WRN: variants seen among roughly 807,000 people sequenced by gnomAD.
WRN encodes the protein WRN RecQ like helicase, also known as bifunctional 3'-5' exonuclease/ATP-dependent helicase WRN.
A neutral mutation model predicts 180.7 loss-of-function variants in WRN; 149 were observed. The ratio of observed to expected loss-of-function variants is 0.82; its 90% CI spans 0.72 to 0.94. WRN has a LOEUF of 0.94. Among genes scored for constraint, WRN ranks in the 40% least tolerant of loss-of-function variants. The pLI is 0.00. For synonymous variants in WRN, 548 were observed against 568.9 expected, an observed-to-expected ratio of 0.96 and a Z score of 0.52; for missense variants, 1,661 against 1,700.1, an observed-to-expected ratio of 0.98 and a Z score of 0.40.
At chr8:31,115,997 C>T (rs376768004) in intron 19 of WRN, among the ~76,000 whole-genome samples, 15 of 152,166 alleles carry the variant, frequency 9.9e-5, no homozygotes, top group African/African-American at 3.4e-4. Flanking sequence ...AAACCCTCAC[C>T]AGACTAATTG....
intron 9 of WRN, among the ~76,000 whole-genome samples, chr8:31,083,083 T>C (rs1006254025): frequency 3.3e-5 from 5 of 152,192 alleles, no homozygotes; most frequent in African/African-American, 1.2e-4. Flanking sequence ...TTTCTTTCTA[T>C]GGATTTTTGT....
intron 1 of WRN, among the ~76,000 whole-genome samples, chr8:31,056,578 T>C (rs1377065599): frequency 6.6e-6 from 1 of 152,176 alleles, no homozygotes; most frequent in Non-Finnish European, 1.5e-5. Context: ...TAGAACATTC[T>C]TTTTTTGAGT....
At chr8:31,113,688 A>G (rs1801408367) in intron 19 of WRN, among the ~76,000 whole-genome samples, 1 of 152,102 alleles carries the variant, frequency 6.6e-6, no homozygotes, top group Non-Finnish European at 1.5e-5. Flanking sequence ...TTTTGTGTGT[A>G]ATATTGTTCT....
intron 28 of WRN, 44 bp downstream of exon 28, chr8:31,143,667 T>C (rs376999322): frequency 4.2e-5 from 58 of 1,385,144 alleles, no homozygotes; most frequent in Non-Finnish European, 5.8e-5. Context: ...GCTTTATGAG[T>C]ACTTTTTTTT....
chr8:31,124,604 T>A lies in WRN; in HGVS notation c.2713T>A (p.Ser905Thr), dbSNP rs1554529187. Residue 905 changes from serine to threonine, a missense_variant, in exon 22 of 35, where the codon TCT becomes ACT. Ser to Thr is a moderately conservative substitution (Grantham distance 58). Transcript: ENST00000298139. ...MMAKMEKYLH[S>T]SRCRRQIILS... ...GGCAAAGATGGAAAAATATCTTCAT[T>A]CTAGCAGATGTAGGAGACAGTATGT... 1.2e-6 allele frequency: 2 copies of A among 1,611,164 alleles called. No individual in the cohort carries two copies. The highest frequency in any genetic ancestry group is 1.7e-6 in the Non-Finnish European group (2 of 1,177,588).
chr8:31,035,903 G>T (rs888384652), intron 1 of WRN, among the ~76,000 whole-genome samples: 1 of 152,022 alleles, frequency 6.6e-6, no homozygotes, highest in South Asian at 2.1e-4. Flanking sequence ...AATCCCACCC[G>T]CTTTCCTAGC....
intron 24 of WRN, among the ~76,000 whole-genome samples, chr8:31,138,480 A>G (rs907748546): frequency 6.6e-6 from 1 of 152,152 alleles, no homozygotes; most frequent in Admixed American, 6.5e-5. Flanking sequence ...CTCATTTAGC[A>G]GGAATCCCAA....
intron 28 of WRN, among the ~76,000 whole-genome samples, chr8:31,145,658 T>G (rs1376222283): frequency 6.6e-6 from 1 of 152,174 alleles, no homozygotes; most frequent in East Asian, 1.9e-4. Context: ...GAAATACAGT[T>G]TGTAATGCTT....
At chr8:31,122,503 G>A (rs1434317421) in intron 21 of WRN, among the ~76,000 whole-genome samples, 1 of 151,928 alleles carries the variant, frequency 6.6e-6, no homozygotes, top group Non-Finnish European at 1.5e-5. Flanking sequence ...AAGTCCCAAT[G>A]TCTGCATTTG....
intron 1 of WRN, among the ~76,000 whole-genome samples, chr8:31,055,662 T>C (rs1812244208): frequency 6.6e-6 from 1 of 152,048 alleles, no homozygotes; most frequent in African/African-American, 2.4e-5. Context: ...ATTCTGGATA[T>C]AGACCTTTGT....
intron 34 of WRN, among the ~76,000 whole-genome samples, chr8:31,169,176 A>T (rs1194357698): frequency 1.3e-5 from 2 of 151,460 alleles, no homozygotes; most frequent in Non-Finnish European, 2.9e-5. Context: ...CTTTTCATGC[A>T]TTCTTTTTAT....
At chr8:31,120,021 CT>C in intron 20 of WRN, 2 of 533,990 alleles carry the variant, frequency 3.7e-6, no homozygotes. Context: ...ACTTTATTTA[CT>C]ATTTTTTATA....
chr8:31,087,444 G>A (rs1478253127), intron 11 of WRN, among the ~76,000 whole-genome samples: 1 of 152,100 alleles, frequency 6.6e-6, no homozygotes, highest in Non-Finnish European at 1.5e-5. Flanking sequence ...TACTACTTGA[G>A]AATCGAAAAT....
At chr8:31,123,752 C>T (rs539229400) in intron 21 of WRN, among the ~76,000 whole-genome samples, 51 of 152,016 alleles carry the variant, frequency 3.4e-4, no homozygotes, top group African/African-American at 1.2e-3. Context: ...TTCATTTGTT[C>T]TTGTAAAGAT....
intron 17 of WRN, among the ~76,000 whole-genome samples, chr8:31,098,609 C>T (rs1478079090): frequency 6.6e-6 from 1 of 152,090 alleles, no homozygotes; most frequent in Non-Finnish European, 1.5e-5. Context: ...GGAAATTGTA[C>T]AATGCTTGCA....
At chr8:31,157,220 T>A in intron 32 of WRN, 148 bp from the exon 33 acceptor site, 1 of 1,154,766 alleles carries the variant, frequency 8.7e-7, no homozygotes, top group Non-Finnish European at 1.2e-6. Context: ...TTTAAAGAAA[T>A]TCTGAAAATG....
In WRN at chr8:31,090,885, T is replaced by C. The variant is rs1191540289; in HGVS notation, c.1772T>C (p.Ile591Thr). The C allele has an allele frequency of 1.2e-6, 2 of 1,612,982 alleles. No homozygotes were observed. The highest frequency in any genetic ancestry group is 1.7e-6 in the Non-Finnish European group (2 of 1,179,314). ...TATCCACCTGTTTATGTAGGCAAGATTGGCCTTGTTATCTCTCCCCTTATT... is the reference window on the plus strand; with the variant it reads ...TATCCACCTGTTTATGTAGGCAAGACTGGCCTTGTTATCTCTCCCCTTATT... Reference protein sequence around the residue: ...FQYPPVYVGKIGLVISPLISL... With the variant: ...FQYPPVYVGKTGLVISPLISL... Residue 591 changes from isoleucine (I) to threonine (T), a missense_variant, in exon 15 of 35, where the codon ATT (isoleucine) becomes ACT (threonine). By Grantham distance (89) the Ile-to-Thr change is moderately conservative. Around this residue, in one of 3 missense-constraint regions of WRN, gnomAD observed 1,141 missense variants for 1,149.4 expected, o/e 0.99. Transcript: ENST00000298139.
chr8:31,086,217 A>C (rs1813525423), intron 11 of WRN, among the ~76,000 whole-genome samples: 1 of 152,098 alleles, frequency 6.6e-6, no homozygotes, highest in Non-Finnish European at 1.5e-5. Flanking sequence ...TATTTTTATG[A>C]AATGAGATTA....
At chr8:31,167,343 C>G (rs1484866698) in intron 34 of WRN, 113 bp downstream of exon 34, 25 of 861,072 alleles carry the variant, frequency 2.9e-5, no homozygotes, top group Non-Finnish European at 4.2e-5. Context: ...TGATTACTTT[C>G]TCTATGTGCT....
Sources: allele counts gnomAD v4.1 joint callset (sites outside exome capture counted in the v4.1 genomes callset), GRCh38; gene constraint gnomAD v4.1.1; regional missense constraint gnomAD v4.1.1; transcripts MANE v1.5; gene names NCBI Gene and HGNC (gene_info 2026-07-23, HGNC 2026-07-21).